Variants in ATL2 observed in about 807,000 individuals in gnomAD.
The protein encoded by ATL2 is atlastin-2.
In ATL2, 31 loss-of-function variants were observed where a neutral mutation model predicts 73.9. The ratio of observed to expected loss-of-function variants is 0.42; its 90% CI spans 0.32 to 0.57. ATL2 has a LOEUF of 0.57. ATL2 is among the 20% of genes least tolerant of loss of function. The pLI is 0.14. For synonymous variants in ATL2, 291 were observed against 237.5 expected (o/e 1.23, Z -2.07); for missense variants, 738 against 702.6 (o/e 1.05, Z -0.57).
intron 1 of ATL2, among the ~76,000 whole-genome samples, chr2:38,368,149 T>C (rs1298545035): frequency 6.6e-6 from 1 of 151,320 alleles, no homozygotes; most frequent in Non-Finnish European, 1.5e-5. Context: ...TTAGCCAGGA[T>C]GGCCTCTATC....
intron 1 of ATL2, among the ~76,000 whole-genome samples, chr2:38,375,615 A>C (rs897618533): frequency 6.7e-6 from 1 of 150,124 alleles, no homozygotes; most frequent in African/African-American, 2.4e-5. Flanking sequence ...ACTGCATCTA[A>C]AACTCTTACC....
chr2:38,336,963 C>T (rs1008380674), intron 2 of ATL2, among the ~76,000 whole-genome samples: 3 of 152,124 alleles, frequency 2.0e-5, no homozygotes, highest in Admixed American at 6.6e-5. Flanking sequence ...CTAGATTCAA[C>T]TAACAACTTA....
At chr2:38,296,456 G>A (rs1666897329) in intron 12 of ATL2, 8 of 1,579,662 alleles carry the variant, frequency 5.1e-6, no homozygotes, top group Non-Finnish European at 6.0e-6. Flanking sequence ...GAACACTTCA[G>A]ATAGAGAAAA....
intron 1 of ATL2, among the ~76,000 whole-genome samples, chr2:38,362,694 T>C (rs1671079261): frequency 3.3e-5 from 5 of 152,318 alleles, no homozygotes; most frequent in Admixed American, 3.3e-4. Flanking sequence ...GAACTACAGA[T>C]TCAGTAGTAA....
chr2:38,377,064 G>C lies in ATL2; in HGVS notation c.118+79C>G. ...GCCGCGGACTCCGACCCCGCCGCCT[G>C]CGGCCGGTGCCCGCGAGCCCGAGCA... On this transcript the variant is annotated intron_variant, in intron 1 of 12. Coordinates refer to ENST00000378954, the MANE Select transcript of ATL2 (RefSeq NM_001135673.4). 5 of 1,393,030 alleles carry C rather than the reference G, an allele frequency of 3.6e-6. No individual in the cohort carries two copies. The South Asian group carries it at 6.4e-5, about 18-fold the overall frequency. 86.3% of individuals were successfully genotyped at this position (1,393,030 alleles called of 1,614,324 possible).
Position 38,343,495 on chromosome 2 carries a change from C to G in ATL2, c.136G>C (p.Asp46His), listed in dbSNP as rs1558432971. 1 of 1,604,966 alleles carries G rather than the reference C, an allele frequency of 6.2e-7. No homozygotes were observed. The change falls in exon 2 of 13, where the codon GAT becomes CAT. Residue 46 changes from aspartate (D) to histidine (H), a missense_variant. By Grantham distance (81) the Asp-to-His change is moderately conservative. Coordinates refer to ENST00000378954, the MANE Select transcript of ATL2 (RefSeq NM_001135673.4). Reference sequence around the variant, plus strand: ...ACCTCATCAGAATTTACTAGGTCATCATCTTCATAATTCTCACCTAGAATT... The same window carrying G: ...ACCTCATCAGAATTTACTAGGTCATGATCTTCATAATTCTCACCTAGAATT... ...TTSLGENYEDDDLVNSDEVMK... is the reference protein window; with the variant it reads ...TTSLGENYEDHDLVNSDEVMK...
intron 2 of ATL2, among the ~76,000 whole-genome samples, chr2:38,326,479 C>G (rs1247642402): frequency 1.3e-5 from 2 of 152,152 alleles, no homozygotes; most frequent in East Asian, 3.8e-4. Flanking sequence ...GAACCAGACT[C>G]AGATATGATA....
intron 1 of ATL2, among the ~76,000 whole-genome samples, chr2:38,369,253 C>G (rs1671524814): frequency 1.3e-5 from 2 of 150,930 alleles, no homozygotes; most frequent in Admixed American, 1.3e-4. Flanking sequence ...AGTTCAAGAC[C>G]AGCCTGACCA....
rs748937150 is a variant in ATL2 at position 38,300,310 on chromosome 2, G to C, written c.1090C>G (p.Gln364Glu). ...EYFKAYIKIY[Q>E]GEELPHPKSM... is the part of the protein sequence containing the mutation. ...TTTGGATGTGGAAGTTCTTCTCCTT[G>C]ATAGATTTTGATGTAAGCCTAAAAA... Residue 364 changes from glutamine (Q) to glutamate (E), a missense_variant, in exon 10 of 13, where the codon CAA (glutamine) becomes GAA (glutamate). Physicochemically the swap from Gln to Glu is conservative, Grantham distance 29. Coordinates refer to ENST00000378954, the MANE Select transcript of ATL2 (RefSeq NM_001135673.4). The C allele has an allele frequency of 1.2e-6, 2 of 1,608,974 alleles. No individual in the cohort carries two copies. The highest frequency in any genetic ancestry group is 2.2e-5 in the East Asian group (1 of 44,812).
In ATL2 at chr2:38,319,814, T is replaced by A. The variant is rs1475980151; in HGVS notation, c.364-795A>T. Reference sequence around the variant, plus strand: ...CTGCCTTCATTTCCTCTTTAAAAAATAATCAATTTTAGGCTGGGTGCAGTG... The same window carrying A: ...CTGCCTTCATTTCCTCTTTAAAAAAAAATCAATTTTAGGCTGGGTGCAGTG... On this transcript the variant is annotated intron_variant, in intron 2 of 12. Transcript: ENST00000378954. Among the ~76,000 whole-genome samples the A allele has an allele frequency of 2.0e-5, 3 of 151,956 alleles. No individual in the cohort carries two copies. In the South Asian group the frequency reaches 6.2e-4, roughly 32 times the overall value.
chr2:38,326,754 G>A (rs777932141), intron 2 of ATL2, among the ~76,000 whole-genome samples: 52 of 152,164 alleles, frequency 3.4e-4, no homozygotes, highest in Non-Finnish European at 5.9e-4. Context: ...CGGGGAGGCC[G>A]AGGCAGGTGG....
chr2:38,364,203 A>G (rs2124476623), intron 1 of ATL2, among the ~76,000 whole-genome samples: 1 of 152,326 alleles, frequency 6.6e-6, no homozygotes, highest in East Asian at 1.9e-4. Flanking sequence ...CAGAGGTTGC[A>G]GTGAGCCGAG....
At chr2:38,351,970 G>T (rs1379268169) in intron 1 of ATL2, among the ~76,000 whole-genome samples, 1 of 151,466 alleles carries the variant, frequency 6.6e-6, no homozygotes, top group Non-Finnish European at 1.5e-5. Context: ...AAATTAGCTG[G>T]GTGTGGTGGC....
chr2:38,334,219 G>A lies in ATL2; in HGVS notation c.363+9049C>T, dbSNP rs564898963. ...TAATTTTTCTGTTTTTGGTAGAGAC[G>A]GTGTTTCACCATGTTGGCCAGGCCG... is the stretch of plus-strand genomic sequence containing the variant. On this transcript the variant is annotated intron_variant, in intron 2 of 12. Coordinates refer to ENST00000378954, the MANE Select transcript of ATL2 (RefSeq NM_001135673.4). Among the ~76,000 whole-genome samples, 138 of 151,320 alleles carry A rather than the reference G, an allele frequency of 9.1e-4. 1 individual carries two copies. The highest frequency in any genetic ancestry group is 3.2e-3 in the African/African-American group (132 of 41,280).
At chr2:38,352,974 T>C (rs1305969035) in intron 1 of ATL2, among the ~76,000 whole-genome samples, 1 of 152,218 alleles carries the variant, frequency 6.6e-6, no homozygotes, top group Admixed American at 6.5e-5. Context: ...ATTAACCTGC[T>C]TGCCAAACCA....
At position 38,298,170 on chromosome 2, in the gene ATL2, G is replaced by A; in HGVS notation, c.1606C>T (p.Gln536Ter). The A allele has an allele frequency of 6.2e-7, 1 of 1,613,518 alleles. No individual in the cohort carries two copies. Among genetic ancestry groups the A allele is most frequent in the Non-Finnish European group, 8.5e-7 (1 of 1,179,684 alleles). Residue 536 changes from glutamine to a stop codon, truncating the protein, a stop_gained, in exon 12 of 13, where the codon CAG (glutamine) becomes TAG (stop). Transcript: ENST00000378954. LOFTEE classifies it high-confidence loss of function. ...TGTTCCCATAGTGTTTCAGCAATCT[G>A]ATCAATCACTGTTCCAATTTCTCTG... ...EFREIGTVID[Q>*]IAETLWEQVL...
intron 1 of ATL2, among the ~76,000 whole-genome samples, chr2:38,352,746 T>C (rs1245650681): frequency 6.6e-6 from 1 of 152,216 alleles, no homozygotes; most frequent in Non-Finnish European, 1.5e-5. Flanking sequence ...GCTGAGACAC[T>C]AGAATCGACA....
At position 38,310,398 on chromosome 2, in the gene ATL2, T is replaced by C; in HGVS notation, c.854A>G (p.His285Arg). The change falls in exon 8 of 13, where the codon CAC (histidine) becomes CGC (arginine). Residue 285 changes from histidine to arginine, a missense_variant. His to Arg is a conservative substitution (Grantham distance 29). Transcript: ENST00000378954. The part of the protein sequence containing the change: ...EELQNVRKHI[H>R]NCFSNLGCFL... ...GCAACCAAGATTTGAGAAACAATTG[T>C]GTATGTGCTTCCTTACATTCTGAAG... 6.2e-7 allele frequency: 1 copy of C among 1,612,674 alleles called. No homozygotes were observed. The highest frequency in any genetic ancestry group is 8.5e-7 in the Non-Finnish European group (1 of 1,179,434).
chr2:38,327,598 T>TG (rs1668739803), intron 2 of ATL2, among the ~76,000 whole-genome samples: 1 of 148,554 alleles, frequency 6.7e-6, no homozygotes, highest in African/African-American at 2.5e-5. Flanking sequence ...CAAATCCAAT[T>TG]ATATCAACAA....
Sources: allele counts gnomAD v4.1 joint callset (sites outside exome capture counted in the v4.1 genomes callset), GRCh38; gene constraint gnomAD v4.1.1; transcripts MANE v1.5; gene names NCBI Gene and HGNC (gene_info 2026-07-23, HGNC 2026-07-21).